Variants in ORC2 observed in about 807,000 individuals in gnomAD.
ORC2 encodes origin recognition complex protein 2 homolog.
In ORC2, 37 loss-of-function variants were observed where a neutral mutation model predicts 77.7. The ratio of observed to expected loss-of-function variants is 0.48; its 90% confidence interval spans 0.37 to 0.63. The LOEUF is 0.63. ORC2 is among the 20% of genes least tolerant of loss of function. ORC2 has a pLI of 0.00. For synonymous variants in ORC2, 201 were observed against 229.5 expected, an observed-to-expected ratio of 0.88 and a Z score of 1.12; for missense variants, 557 against 661.9, an observed-to-expected ratio of 0.84 and a Z score of 1.74.
In ORC2 at chr2:200,909,383, G is replaced by A. The variant is rs1159626612; in HGVS notation, c.*1918C>T. 1 of 152,046 alleles carries A rather than the reference G, an allele frequency of 6.6e-6. No homozygotes were observed. The highest frequency in any genetic ancestry group is 2.4e-5 in the African/African-American group (1 of 41,414). The allele number at this position is 152,046 out of a possible 1,614,324, so 9.4% of individuals were successfully genotyped here. On this transcript the variant is annotated 3_prime_UTR_variant, in exon 18 of 18. Transcript: ENST00000234296. ...TTAAATCACATTTATGTACAAATTTGTTTAAACATTTTGACTAGAGGTTAT... is the reference window on the plus strand; with the variant it reads ...TTAAATCACATTTATGTACAAATTTATTTAAACATTTTGACTAGAGGTTAT...
chr2:200,919,908 T>TA (rs2040727158), intron 15 of ORC2, among the ~76,000 whole-genome samples: 1 of 152,198 alleles, frequency 6.6e-6, no homozygotes, highest in Non-Finnish European at 1.5e-5. Context: ...GTTCAATATG[T>TA]AATGAAAAAT....
rs530650636 is a variant in ORC2 at position 200,963,254 on chromosome 2, C to T, written c.-60+236G>A. ...AAAGGACTTTGGCCTGCGCCTCCAG[C>T]CTCTGGCCAGTTGGCTGCGCTCCAC... On this transcript the variant is annotated intron_variant, in intron 1 of 17. Coordinates refer to ENST00000234296, the MANE Select transcript of ORC2 (RefSeq NM_006190.5). 2.8e-5 allele frequency: 11 copies of T among 394,942 alleles called. No individual in the cohort carries two copies. The South Asian group carries it at 7.1e-4, about 26-fold the overall frequency. 24.5% of individuals were successfully genotyped at this position (394,942 alleles called of 1,614,324 possible). A position where few individuals can be genotyped will look rare whatever the true frequency, so the allele number is the denominator to read the frequency against.
intron 16 of ORC2, 122 bp downstream of exon 16, chr2:200,913,809 A>G (rs2040592024): frequency 1.4e-6 from 2 of 1,441,496 alleles, no homozygotes; most frequent in East Asian, 2.6e-5. Context: ...AGACATACCC[A>G]TCATGAGTGA....
intron 7 of ORC2, among the ~76,000 whole-genome samples, chr2:200,939,974 C>A (rs1413685354): frequency 6.6e-6 from 1 of 152,186 alleles, no homozygotes; most frequent in African/African-American, 2.4e-5. Context: ...CATACCTAGA[C>A]TTGTCTAAAT....
Position 200,925,937 on chromosome 2 carries a change from A to AT in ORC2, c.1051-6dup. On this transcript the variant is annotated splice_polypyrimidine_tract_variant and splice_region_variant and intron_variant, in intron 12 of 17. Coordinates refer to ENST00000234296, the MANE Select transcript of ORC2 (RefSeq NM_006190.5). ...TTCTGTTATAGAATTCAGGACCTAT[A>AT]TCATGAATGTGGAAGAGGTACCACA... 7.1e-7 allele frequency: 1 copy of AT among 1,407,064 alleles called. No homozygotes were observed. Among genetic ancestry groups the AT allele is most frequent in the African/African-American group, 1.4e-5 (1 of 71,016 alleles). 87.2% of individuals were successfully genotyped at this position (1,407,064 alleles called of 1,614,324 possible). A position where few individuals can be genotyped will look rare whatever the true frequency, so the allele number is the denominator to read the frequency against.
intron 6 of ORC2, among the ~76,000 whole-genome samples, chr2:200,941,806 G>A (rs964302440): frequency 2.0e-4 from 31 of 152,140 alleles, no homozygotes; most frequent in Non-Finnish European, 4.3e-4. Flanking sequence ...GACCAACAGG[G>A]TGAAACCCCA....
chr2:200,946,164 T>C (rs1341851280), intron 5 of ORC2, among the ~76,000 whole-genome samples: 1 of 152,086 alleles, frequency 6.6e-6, no homozygotes, highest in African/African-American at 2.4e-5. Context: ...TTTTTTAATT[T>C]TTTTTTATAG....
chr2:200,959,973 CT>C lies in ORC2; in HGVS notation c.-59-534del, dbSNP rs2041541728. The stretch of plus-strand genomic sequence containing the variant: ...TCGGATTGGGCAACAGAGTGAGACT[CT>C]GTCTCTAATTTTTTTTTCTTTTTTT... On this transcript the variant is annotated intron_variant, in intron 1 of 17. Transcript: ENST00000234296. 2.0e-5 allele frequency among the ~76,000 whole-genome samples: 3 copies of C among 151,784 alleles called. No individual in the cohort carries two copies. The South Asian group carries it at 6.2e-4, about 32-fold the overall frequency.
At chr2:200,922,122 A>G (rs1172289908) in intron 13 of ORC2, among the ~76,000 whole-genome samples, 1 of 121,966 alleles carries the variant, frequency 8.2e-6, no homozygotes, top group African/African-American at 3.1e-5. Flanking sequence ...TTATCACAAA[A>G]GCCAAAGGAG....
Position 200,910,742 on chromosome 2 carries a change from C to T in ORC2, c.*559G>A, listed in dbSNP as rs2040537112. ...CCTGCCCCCACCAAGTACATAGCCT[C>T]AATCCAAAAGGAGAAAGCTGGATCA... On this transcript the variant is annotated 3_prime_UTR_variant, in exon 18 of 18. Transcript: ENST00000234296. The T allele has an allele frequency of 6.5e-6, 1 of 153,364 alleles. No homozygotes were observed. The highest frequency in any genetic ancestry group is 2.1e-4 in the South Asian group (1 of 4,872). The allele number at this position is 153,364 out of a possible 1,614,324, so 9.5% of individuals were successfully genotyped here.
chr2:200,920,531 C>T, intron 14 of ORC2, 138 bp from the exon 15 acceptor site: 1 of 531,132 alleles, frequency 1.9e-6, no homozygotes, highest in East Asian at 3.1e-5. Context: ...ACTTCCATAT[C>T]TAAATCAGTA....
In ORC2 at chr2:200,935,797, C is replaced by T. The variant is rs1372878680; in HGVS notation, c.610G>A (p.Ala204Thr). 6.2e-7 allele frequency: 1 copy of T among 1,613,898 alleles called. No homozygotes were observed. The highest frequency in any genetic ancestry group is 8.5e-7 in the Non-Finnish European group (1 of 1,179,824). Residue 204 changes from alanine (A) to threonine (T), a missense_variant, in exon 9 of 18, where the codon GCA becomes ACA. By Grantham distance (58) the Ala-to-Thr change is moderately conservative. Transcript: ENST00000234296. ...TGAATCTTTTGGCTGAATATGACTG[C>T]ATTAGTGTCCTCTTCATGTTCCTGT... ...VAQEHEEDTN[A>T]VIFSQKIQAQ...
chr2:200,914,011 AGGAATTTAAATCC>A lies in ORC2; in HGVS notation c.1467-32_1467-20del. 6 of 1,317,986 alleles carry A rather than the reference AGGAATTTAAATCC, an allele frequency of 4.6e-6. No individual in the cohort carries two copies. The highest frequency in any genetic ancestry group is 6.4e-6 in the Non-Finnish European group (6 of 935,470). 81.6% of individuals were successfully genotyped at this position (1,317,986 alleles called of 1,614,324 possible). A position where few individuals can be genotyped will look rare whatever the true frequency, so the allele number is the denominator to read the frequency against. On this transcript the variant is annotated intron_variant, in intron 15 of 17. Transcript: ENST00000234296. ...AATTCCCCTAAAAAAAAAAAAAAAC[AGGAATTTAAATCC>A]AAAAATGTTAACATCAAAAGGTAAC...
chr2:200,947,217 C>A (rs1040388681), intron 5 of ORC2, among the ~76,000 whole-genome samples: 1 of 152,046 alleles, frequency 6.6e-6, no homozygotes, highest in Non-Finnish European at 1.5e-5. Flanking sequence ...AACTTAATTT[C>A]TTGATGTAGA....
chr2:200,935,678 A>G (rs1229694670), intron 9 of ORC2, 21 bp downstream of exon 9: 1 of 1,534,928 alleles, frequency 6.5e-7, no homozygotes. Flanking sequence ...CTTTAAGGTT[A>G]AAGTCTCTCT....
intron 11 of ORC2, among the ~76,000 whole-genome samples, chr2:200,929,119 C>T (rs1277708119): frequency 6.6e-6 from 1 of 151,894 alleles, no homozygotes; most frequent in Non-Finnish European, 1.5e-5. Context: ...GCCCGGCTAA[C>T]TTTGTATTTT....
intron 8 of ORC2, among the ~76,000 whole-genome samples, chr2:200,936,101 G>C (rs142752485): frequency 6.6e-6 from 1 of 152,150 alleles, no homozygotes; most frequent in South Asian, 2.1e-4. Flanking sequence ...TAAACCATTA[G>C]GAAGATTACA....
chr2:200,961,554 T>C (rs1404642968), intron 1 of ORC2, among the ~76,000 whole-genome samples: 3 of 152,198 alleles, frequency 2.0e-5, no homozygotes, highest in Admixed American at 1.3e-4. Context: ...AACTATAGAA[T>C]GTCCAAACTG....
At chr2:200,933,120 G>A (rs1166777250) in intron 10 of ORC2, among the ~76,000 whole-genome samples, 1 of 151,950 alleles carries the variant, frequency 6.6e-6, no homozygotes, top group African/African-American at 2.4e-5. Context: ...AATGAGCCAG[G>A]ACTTAGATTA....
Sources: gnomAD v4.1 joint callset for allele counts (sites outside exome capture counted in the v4.1 genomes callset) on GRCh38, gnomAD v4.1.1 for gene constraint, MANE v1.5 for transcripts, NCBI Gene and HGNC (gene_info 2026-07-23, HGNC 2026-07-21) for gene names.